The following RYR2 variants were observed in gnomAD, a reference collection of about 807,000 sequenced individuals.
The protein encoded by RYR2 is ryanodine receptor 2, also known as cardiac muscle ryanodine receptor-calcium release channel.
A neutral mutation model predicts 601.1 loss-of-function variants in RYR2; 227 were observed. The ratio of observed to expected loss-of-function variants is 0.38; its 90% CI spans 0.34 to 0.42. The LOEUF (loss-of-function observed/expected upper bound fraction) is 0.42. Ranked by LOEUF, RYR2 falls within the 10% of genes least tolerant of loss-of-function variation. RYR2 has a pLI of 1.00. For missense variants in RYR2, 4,646 were observed against 6,156.5 expected (o/e 0.75, Z 8.21); for synonymous variants, 2,223 against 2,175.1 (o/e 1.02, Z -0.61).
intron 1 of RYR2, among the ~76,000 whole-genome samples, chr1:237,156,145 C>T (rs990554985): frequency 1.3e-5 from 2 of 152,188 alleles, no homozygotes; most frequent in African/African-American, 2.4e-5. Flanking sequence ...TATTCCTGGC[C>T]ATCATGTCAA....
At chr1:237,747,313 A>C (rs2149231645) in intron 80 of RYR2, among the ~76,000 whole-genome samples, 1 of 152,368 alleles carries the variant, frequency 6.6e-6, no homozygotes, top group South Asian at 2.1e-4. Flanking sequence ...TATTGATTAA[A>C]GAGAATTTCT....
chr1:237,290,039 T>C lies in RYR2; in HGVS notation c.168+19423T>C, dbSNP rs184870375. On this transcript the variant is annotated intron_variant, in intron 2 of 104. Transcript: ENST00000366574. ...AACATAGTGGCCTACTCATGGTTAT[T>C]TACCCAAGAGTTATTTGTCCCTGTT... Among the ~76,000 whole-genome samples the C allele has an allele frequency of 2.6e-4, 39 of 152,346 alleles. No homozygotes were observed. The East Asian group carries it at 4.6e-3, about 18-fold the overall frequency.
At chr1:237,391,499 A>G (rs1702379570) in intron 10 of RYR2, among the ~76,000 whole-genome samples, 1 of 152,192 alleles carries the variant, frequency 6.6e-6, no homozygotes, top group Non-Finnish European at 1.5e-5. Flanking sequence ...TTGTTAGGAG[A>G]CATAGTGGAA....
chr1:237,081,528 T>A (rs1001729856), intron 1 of RYR2, among the ~76,000 whole-genome samples: 1 of 143,698 alleles, frequency 7.0e-6, no homozygotes, highest in South Asian at 2.2e-4. Context: ...TATATATATA[T>A]ACATGCATGT....
chr1:237,453,342 A>G (rs2150211485), intron 14 of RYR2, among the ~76,000 whole-genome samples: 1 of 152,288 alleles, frequency 6.6e-6, no homozygotes, highest in Admixed American at 6.5e-5. Flanking sequence ...CTGAAATCAA[A>G]TATTCCAAAA....
At chr1:237,734,453 C>T (rs564982658) in intron 79 of RYR2, among the ~76,000 whole-genome samples, 6 of 152,172 alleles carry the variant, frequency 3.9e-5, no homozygotes, top group Admixed American at 2.6e-4. Flanking sequence ...GATTACAATT[C>T]GATATAAGAT....
chr1:237,684,295 A>AAC (rs375131708), intron 62 of RYR2, among the ~76,000 whole-genome samples: 9 of 151,536 alleles, frequency 5.9e-5, no homozygotes, highest in South Asian at 2.1e-4. Flanking sequence ...CCTGAAGATA[A>AAC]ACACACACAC....
chr1:237,636,934 C>T (rs1680935954), intron 44 of RYR2, among the ~76,000 whole-genome samples: 1 of 152,120 alleles, frequency 6.6e-6, no homozygotes, highest in Admixed American at 6.5e-5. Context: ...AAGCCAGGCA[C>T]AGAAAGATAT....
chr1:237,738,086 A>T (rs369267364), intron 79 of RYR2, among the ~76,000 whole-genome samples: 1 of 152,188 alleles, frequency 6.6e-6, no homozygotes, highest in African/African-American at 2.4e-5. Context: ...ACCAACAGTC[A>T]TTCTGCATCC....
intron 3 of RYR2, among the ~76,000 whole-genome samples, chr1:237,355,199 G>A (rs561019518): frequency 2.0e-5 from 3 of 152,276 alleles, no homozygotes; most frequent in Admixed American, 6.5e-5. Flanking sequence ...ACATTCTATA[G>A]ATGGGAGGTG....
rs748762074 is a variant in RYR2 at position 237,496,650 on chromosome 1, G to A, written c.2101G>A (p.Glu701Lys). The A allele has an allele frequency of 2.9e-5, 47 of 1,613,850 alleles. No homozygotes were observed. The highest frequency in any genetic ancestry group is 3.9e-5 in the Non-Finnish European group (46 of 1,179,900). ...CCTGCGAGTGGGCTGGGCTTCCACTGAAGGATATTCTCCCTACCCTGGAGG... is the reference window on the plus strand; with the variant it reads ...CCTGCGAGTGGGCTGGGCTTCCACTAAAGGATATTCTCCCTACCCTGGAGG... The part of the protein sequence containing the change: ...THLRVGWAST[E>K]GYSPYPGGGE... The change falls in exon 20 of 105, where the codon GAA (glutamate) becomes AAA (lysine). Residue 701 changes from glutamate to lysine, a missense_variant. By Grantham distance (56) the Glu-to-Lys change is moderately conservative. Transcript: ENST00000366574.
chr1:237,479,857 C>T (rs1319788326), intron 17 of RYR2, among the ~76,000 whole-genome samples: 6 of 152,314 alleles, frequency 3.9e-5, no homozygotes, highest in Non-Finnish European at 8.8e-5. Flanking sequence ...GGTTTTATTA[C>T]AATTTCCATT....
chr1:237,701,722 C>G (rs1166921102), intron 65 of RYR2, among the ~76,000 whole-genome samples: 1 of 151,908 alleles, frequency 6.6e-6, no homozygotes, highest in Non-Finnish European at 1.5e-5. Flanking sequence ...ATTCTCCTCT[C>G]TATGTCCATG....
At chr1:237,524,936 T>C (rs2147890048) in intron 24 of RYR2, among the ~76,000 whole-genome samples, 1 of 152,222 alleles carries the variant, frequency 6.6e-6, no homozygotes, top group South Asian at 2.1e-4. Context: ...TATTTAATTT[T>C]AGAATCAGAG....
chr1:237,334,404 A>G (rs951082045), intron 3 of RYR2, among the ~76,000 whole-genome samples: 2 of 151,070 alleles, frequency 1.3e-5, no homozygotes, highest in Admixed American at 1.3e-4. Context: ...GAAGGATTTC[A>G]TCTAAGTGGA....
chr1:237,592,435 C>T (rs1484626376), intron 32 of RYR2, among the ~76,000 whole-genome samples: 3 of 151,888 alleles, frequency 2.0e-5, no homozygotes, highest in Non-Finnish European at 4.4e-5. Flanking sequence ...GAGTTCAAGA[C>T]CAGCCTGGCC....
chr1:237,115,410 T>G (rs1572686963), intron 1 of RYR2, among the ~76,000 whole-genome samples: 1 of 152,156 alleles, frequency 6.6e-6, no homozygotes, highest in Non-Finnish European at 1.5e-5. Context: ...ACAGCAAGGC[T>G]AATTCCTGGA....
At chr1:237,228,200 C>T (rs1390974912) in intron 1 of RYR2, among the ~76,000 whole-genome samples, 1 of 152,160 alleles carries the variant, frequency 6.6e-6, no homozygotes, top group Non-Finnish European at 1.5e-5. Flanking sequence ...AGCTTAGCTC[C>T]CACTTGTGGG....
chr1:237,343,580 T>G (rs2149628046), intron 3 of RYR2, among the ~76,000 whole-genome samples: 1 of 152,288 alleles, frequency 6.6e-6, no homozygotes, highest in African/African-American at 2.4e-5. Context: ...GGTCAGCGAT[T>G]AAAAATAGTG....
Sources: gnomAD v4.1 joint callset for allele counts (sites outside exome capture counted in the v4.1 genomes callset) on GRCh38, gnomAD v4.1.1 for gene constraint, MANE v1.5 for transcripts, NCBI Gene and HGNC (gene_info 2026-07-23, HGNC 2026-07-21) for gene names.